NRG3: variants seen among roughly 807,000 people sequenced by gnomAD.
NRG3 encodes pro-neuregulin-3, membrane-bound isoform.
Under a neutral mutation model 66.9 loss-of-function variants are expected in NRG3, and 31 were observed. That is an observed-to-expected ratio of 0.46 (90% CI 0.35 to 0.63). The LOEUF (loss-of-function observed/expected upper bound fraction) is 0.63. NRG3 is among the 20% of genes least tolerant of loss of function. The probability of loss-of-function intolerance (pLI) is 0.00; values close to 1 mark genes in which losing one functional copy is unlikely to be tolerated. For synonymous variants in NRG3, 393 were observed against 359.4 expected (o/e 1.09, Z -1.06); for missense variants, 910 against 878.9 (o/e 1.04, Z -0.45).
Position 82,659,396 on chromosome 10 carries a change from G to A in NRG3, c.954-79181G>A, listed in dbSNP as rs188497172. Among the ~76,000 whole-genome samples, 17 of 152,172 alleles carry A rather than the reference G, an allele frequency of 1.1e-4. No individual in the cohort carries two copies. The South Asian group carries it at 1.9e-3, about 17-fold the overall frequency. On this transcript the variant is annotated intron_variant, in intron 2 of 8. Transcript: ENST00000372141. The stretch of plus-strand genomic sequence containing the variant: ...TTCTAGGCTGGGCATGGTGGCTCAC[G>A]CCTGTAATTCCAGCACTTTGGGAGG...
At chr10:81,938,429 G>A (rs1384208689) in intron 1 of NRG3, among the ~76,000 whole-genome samples, 1 of 149,154 alleles carries the variant, frequency 6.7e-6, no homozygotes, top group Non-Finnish European at 1.5e-5. Flanking sequence ...AGCTTTCAGT[G>A]TACAAATTTT....
chr10:82,217,974 TC>T (rs2075768526), intron 1 of NRG3, among the ~76,000 whole-genome samples: 1 of 152,234 alleles, frequency 6.6e-6, no homozygotes, highest in Non-Finnish European at 1.5e-5. Flanking sequence ...TTCCAAATTT[TC>T]TCATTTTCTT....
intron 4 of NRG3, among the ~76,000 whole-genome samples, chr10:82,887,363 T>C (rs982484950): frequency 6.6e-6 from 1 of 152,214 alleles, no homozygotes; most frequent in Non-Finnish European, 1.5e-5. Flanking sequence ...AAAAACAGAA[T>C]TATCTAAACA....
intron 1 of NRG3, among the ~76,000 whole-genome samples, chr10:81,969,927 A>AT (rs147177132): frequency 0.013 from 1,949 of 151,086 alleles, 49 homozygotes; most frequent in African/African-American, 0.045. Flanking sequence ...ATATTGCACT[A>AT]TTTTTTTTTA....
chr10:82,036,039 T>C (rs1216498727), intron 1 of NRG3, among the ~76,000 whole-genome samples: 1 of 152,094 alleles, frequency 6.6e-6, no homozygotes, highest in Non-Finnish European at 1.5e-5. Flanking sequence ...ATCTACTATT[T>C]CTGCCATGGA....
chr10:82,453,747 G>C (rs946778089), intron 2 of NRG3, among the ~76,000 whole-genome samples: 7 of 148,238 alleles, frequency 4.7e-5, no homozygotes, highest in Admixed American at 2.7e-4. Flanking sequence ...ATCTCGGTGA[G>C]TTATTTAACG....
In NRG3 at chr10:81,896,660, CT is replaced by C. The variant is rs11384260; in HGVS notation, c.823+20510del. ...ATCTCCAGAGGATGAGAATCTAGGGCTTTTTTTTTTTTTGGTTTTCTTTAAA... is the reference window on the plus strand; with the variant it reads ...ATCTCCAGAGGATGAGAATCTAGGGCTTTTTTTTTTTTGGTTTTCTTTAAA... On this transcript the variant is annotated intron_variant, in intron 1 of 8. Transcript: ENST00000372141. 8.8e-3 allele frequency among the ~76,000 whole-genome samples: 1,225 copies of C among 139,952 alleles called. 9 individuals carry two copies. Among genetic ancestry groups the C allele is most frequent in the African/African-American group, 0.023 (892 of 39,056 alleles). 91.8% of individuals were successfully genotyped at this position (139,952 alleles called of 152,430 possible). A position where few individuals can be genotyped will look rare whatever the true frequency, so the allele number is the denominator to read the frequency against.
At chr10:82,056,991 A>G (rs2063875214) in intron 1 of NRG3, among the ~76,000 whole-genome samples, 1 of 152,070 alleles carries the variant, frequency 6.6e-6, no homozygotes, top group South Asian at 2.1e-4. Context: ...GTTATCTCTC[A>G]TTAATTCTGG....
At chr10:82,870,260 T>C (rs886236691) in intron 4 of NRG3, among the ~76,000 whole-genome samples, 2 of 152,218 alleles carry the variant, frequency 1.3e-5, no homozygotes, top group Non-Finnish European at 2.9e-5. Context: ...TTTCACTTAG[T>C]AATTTTCTCA....
At chr10:81,878,124 T>G in intron 1 of NRG3, 3 of 1,477,202 alleles carry the variant, frequency 2.0e-6, no homozygotes, top group Non-Finnish European at 1.8e-6. Flanking sequence ...CTATGCTCTC[T>G]TCCTACATTC....
chr10:82,521,118 C>A (rs930745949), intron 2 of NRG3, among the ~76,000 whole-genome samples: 10 of 152,178 alleles, frequency 6.6e-5, no homozygotes, highest in African/African-American at 1.7e-4. Flanking sequence ...TTTGATTTAT[C>A]AGCACATATA....
intron 2 of NRG3, among the ~76,000 whole-genome samples, chr10:82,688,308 T>C (rs759083514): frequency 3.3e-5 from 5 of 152,210 alleles, no homozygotes; most frequent in African/African-American, 4.8e-5. Context: ...TATTTATCCA[T>C]GTTCCCCTTA....
At chr10:82,561,806 C>G (rs547424376) in intron 2 of NRG3, among the ~76,000 whole-genome samples, 1 of 152,236 alleles carries the variant, frequency 6.6e-6, no homozygotes, top group Non-Finnish European at 1.5e-5. Flanking sequence ...ATAACCTTAA[C>G]TGTAATATCT....
chr10:82,160,809 A>T (rs961292515), intron 1 of NRG3, among the ~76,000 whole-genome samples: 1 of 152,068 alleles, frequency 6.6e-6, no homozygotes, highest in Non-Finnish European at 1.5e-5. Flanking sequence ...CAAGTTCAGC[A>T]TGTGATCTAA....
chr10:82,610,387 C>T (rs554843930), intron 2 of NRG3, among the ~76,000 whole-genome samples: 4 of 152,256 alleles, frequency 2.6e-5, no homozygotes, highest in African/African-American at 9.6e-5. Flanking sequence ...CCTGTTATCA[C>T]ATTTTAATGT....
intron 2 of NRG3, among the ~76,000 whole-genome samples, chr10:82,595,729 G>GC (rs2047234651): frequency 6.6e-6 from 1 of 151,814 alleles, no homozygotes; most frequent in Non-Finnish European, 1.5e-5. Flanking sequence ...AGGTTGCAGT[G>GC]AGCCGAGATC....
chr10:82,911,657 G>T (rs1445704610), intron 4 of NRG3, among the ~76,000 whole-genome samples: 2 of 151,118 alleles, frequency 1.3e-5, no homozygotes, highest in Non-Finnish European at 3.0e-5. Flanking sequence ...GGCTTTTAGA[G>T]GTTTAACAAT....
At chr10:82,535,541 A>G (rs995412363) in intron 2 of NRG3, among the ~76,000 whole-genome samples, 9 of 152,286 alleles carry the variant, frequency 5.9e-5, no homozygotes, top group East Asian at 1.9e-4. Context: ...GAGTTGTCCA[A>G]ATAAATTTAG....
intron 2 of NRG3, among the ~76,000 whole-genome samples, chr10:82,530,414 A>G (rs1847136117): frequency 6.6e-6 from 1 of 152,038 alleles, no homozygotes; most frequent in Non-Finnish European, 1.5e-5. Flanking sequence ...AATGCTTATT[A>G]TTAAATATAT....
Sources: gnomAD v4.1 joint callset for allele counts (sites outside exome capture counted in the v4.1 genomes callset) on GRCh38, gnomAD v4.1.1 for gene constraint, MANE v1.5 for transcripts, NCBI Gene and HGNC (gene_info 2026-07-23, HGNC 2026-07-21) for gene names.